CFAP300: variants seen among roughly 807,000 people sequenced by gnomAD.
CFAP300 encodes cilia- and flagella-associated protein 300.
CFAP300 carries 32 observed loss-of-function variants against 33.0 expected under a neutral mutation model. The observed-to-expected ratio is 0.97, with a 90% CI of 0.73 to 1.30. The LOEUF is 1.30. CFAP300 is among the 50% of genes most tolerant of loss of function. The pLI is 0.00. For synonymous variants in CFAP300, 102 were observed against 106.8 expected (o/e 0.95, Z 0.28); for missense variants, 356 against 318.1 (o/e 1.12, Z -0.90).
chr11:102,072,063 A>G (rs1389356287), intron 4 of CFAP300, among the ~76,000 whole-genome samples: 3 of 152,044 alleles, frequency 2.0e-5, no homozygotes, highest in Admixed American at 6.6e-5. Flanking sequence ...TTATTTTGTT[A>G]AATAGATTTT....
chr11:102,070,686 G>A (rs1481995302), intron 4 of CFAP300, among the ~76,000 whole-genome samples: 2 of 152,056 alleles, frequency 1.3e-5, no homozygotes, highest in African/African-American at 4.8e-5. Context: ...ATTTTTTGCT[G>A]TAAACTTCTC....
intron 4 of CFAP300, among the ~76,000 whole-genome samples, chr11:102,073,763 G>A (rs188240612): frequency 3.4e-3 from 523 of 152,226 alleles, no homozygotes; most frequent in Non-Finnish European, 5.6e-3. Flanking sequence ...CAACAGTAGG[G>A]AGAGCCAGTC....
rs76804759 is a variant in CFAP300 at position 102,082,610 on chromosome 11, T to G, written c.676-461T>G. ...TTAAATCATTAATTAACTGCCAATT[T>G]ATTGTCAAAGATTTTATCCATGTTT... On this transcript the variant is annotated intron_variant, in intron 6 of 6. Transcript: ENST00000434758. 4.3e-3 allele frequency among the ~76,000 whole-genome samples: 659 copies of G among 152,314 alleles called. 2 individuals are homozygous for G. The highest frequency in any genetic ancestry group is 7.4e-3 in the Non-Finnish European group (506 of 68,022).
chr11:102,048,985 G>A (rs573169192), intron 2 of CFAP300, among the ~76,000 whole-genome samples: 2 of 152,242 alleles, frequency 1.3e-5, no homozygotes, highest in East Asian at 3.9e-4. Flanking sequence ...ATACGAGGAG[G>A]AACAAGACAA....
At chr11:102,072,539 G>A (rs972032499) in intron 4 of CFAP300, among the ~76,000 whole-genome samples, 1 of 152,056 alleles carries the variant, frequency 6.6e-6, no homozygotes, top group Non-Finnish European at 1.5e-5. Context: ...TTGGGCTCAA[G>A]TGATCCACCC....
intron 4 of CFAP300, among the ~76,000 whole-genome samples, chr11:102,074,344 G>A (rs1261376001): frequency 6.6e-6 from 1 of 152,150 alleles, no homozygotes; most frequent in Non-Finnish European, 1.5e-5. Flanking sequence ...GGTGAGGATT[G>A]CAGGAGTCCA....
At chr11:102,060,911 GTATC>G (rs917219289) in intron 3 of CFAP300, among the ~76,000 whole-genome samples, 32 of 152,228 alleles carry the variant, frequency 2.1e-4, no homozygotes, top group Middle Eastern at 3.4e-3. Context: ...ATTAAACTGA[GTATC>G]TGAGAGAATA....
intron 3 of CFAP300, among the ~76,000 whole-genome samples, chr11:102,062,972 A>G (rs891103329): frequency 3.3e-5 from 5 of 152,248 alleles, no homozygotes; most frequent in African/African-American, 7.2e-5. Flanking sequence ...GGCTGTGAAC[A>G]TGCGCTATTC....
chr11:102,059,248 A>C (rs1279481540), intron 3 of CFAP300, among the ~76,000 whole-genome samples: 1 of 152,050 alleles, frequency 6.6e-6, no homozygotes, highest in East Asian at 1.9e-4. Flanking sequence ...GGTAAATAAG[A>C]AAACCTGTAC....
chr11:102,070,233 C>T (rs1942292212), intron 4 of CFAP300, among the ~76,000 whole-genome samples: 1 of 152,102 alleles, frequency 6.6e-6, no homozygotes, highest in African/African-American at 2.4e-5. Flanking sequence ...TTTCCCTTAC[C>T]TATATTTTCC....
intron 3 of CFAP300, among the ~76,000 whole-genome samples, chr11:102,063,380 T>C (rs550752321): frequency 6.6e-6 from 1 of 152,376 alleles, no homozygotes; most frequent in African/African-American, 2.4e-5. Context: ...GTCCCACCTA[T>C]GTATTTTGGA....
intron 4 of CFAP300, among the ~76,000 whole-genome samples, chr11:102,070,568 G>C (rs952804300): frequency 6.6e-6 from 1 of 151,910 alleles, no homozygotes; most frequent in African/African-American, 2.4e-5. Flanking sequence ...GTTTATTTGT[G>C]CTCTGGTATT....
chr11:102,057,294 G>A (rs908239887), intron 2 of CFAP300, among the ~76,000 whole-genome samples: 2 of 149,234 alleles, frequency 1.3e-5, no homozygotes, highest in African/African-American at 2.5e-5. Flanking sequence ...AGCCGAGATC[G>A]CACCACTGCA....
chr11:102,074,925 T>C (rs1436899556), intron 4 of CFAP300, among the ~76,000 whole-genome samples: 1 of 151,280 alleles, frequency 6.6e-6, no homozygotes, highest in Admixed American at 6.6e-5. Context: ...CAGGCTGGCC[T>C]CAAGCTCCTG....
chr11:102,047,479 T>A lies in CFAP300; in HGVS notation c.9T>A (p.Thr3=). The change falls in exon 1 of 7, where the codon ACT becomes ACA. Residue 3 remains threonine (T), a synonymous_variant. Coordinates refer to ENST00000434758, the MANE Select transcript of CFAP300 (RefSeq NM_032930.3). ...ACCCAGCCGAGAGCACGATGGCTAC[T>A]GGGGAGCTCGGGGACTTGGGTGGCT... MA[T]GELGDLGGYY... 6.5e-7 allele frequency: 1 copy of A among 1,535,916 alleles called. No homozygotes were observed.
intron 4 of CFAP300, among the ~76,000 whole-genome samples, chr11:102,072,197 A>G (rs115123862): frequency 1.9e-3 from 283 of 148,710 alleles, no homozygotes; most frequent in African/African-American, 6.5e-3. Context: ...TTTTTGTCTG[A>G]CTGGGTTACT....
At chr11:102,082,590 T>C (rs1232841949) in intron 6 of CFAP300, among the ~76,000 whole-genome samples, 4 of 152,214 alleles carry the variant, frequency 2.6e-5, no homozygotes, top group African/African-American at 9.6e-5. Context: ...ATATTTTAAA[T>C]CATTAATTAA....
chr11:102,081,532 G>C (rs1044341770), intron 6 of CFAP300: 2 of 545,654 alleles, frequency 3.7e-6, no homozygotes, highest in African/African-American at 3.8e-5. Flanking sequence ...CTAAATCTGT[G>C]ACTCAGATAG....
At chr11:102,079,179 T>C (rs935712326) in intron 5 of CFAP300, among the ~76,000 whole-genome samples, 7 of 152,210 alleles carry the variant, frequency 4.6e-5, no homozygotes, top group African/African-American at 1.7e-4. Context: ...TAAATATACA[T>C]ACAATTTGGT....
Sources: gnomAD v4.1 joint callset for allele counts (sites outside exome capture counted in the v4.1 genomes callset) on GRCh38, gnomAD v4.1.1 for gene constraint, MANE v1.5 for transcripts, NCBI Gene and HGNC (gene_info 2026-07-23, HGNC 2026-07-21) for gene names.